The following MRPS9 variants were observed in gnomAD, a reference collection of about 807,000 sequenced individuals.
MRPS9 encodes small ribosomal subunit protein uS9m.
MRPS9 carries 45 observed loss-of-function variants against 59.9 expected under a neutral mutation model. The observed-to-expected ratio is 0.75, with a 90% CI of 0.59 to 0.96. The LOEUF is 0.96. Among genes scored for constraint, MRPS9 ranks in the 40% least tolerant of loss-of-function variants. The pLI, the probability that MRPS9 is intolerant of heterozygous loss-of-function variation, is 0.00. For synonymous variants in MRPS9, 171 were observed against 166.8 expected (o/e 1.03, Z -0.19); for missense variants, 473 against 481.1 (o/e 0.98, Z 0.16).
chr2:105,088,529 ATAAG>A (rs1680493729), intron 5 of MRPS9, among the ~76,000 whole-genome samples: 1 of 152,146 alleles, frequency 6.6e-6, no homozygotes, highest in Non-Finnish European at 1.5e-5. Context: ...TAAATATTAA[ATAAG>A]TAGTAAGTCG....
chr2:105,061,259 T>A (rs931544819), intron 2 of MRPS9, among the ~76,000 whole-genome samples: 2 of 152,100 alleles, frequency 1.3e-5, no homozygotes, highest in Admixed American at 1.3e-4. Flanking sequence ...TGTGTGGCAC[T>A]GAGCTGGTTT....
chr2:105,046,947 G>A (rs1330632573), intron 1 of MRPS9, among the ~76,000 whole-genome samples: 3 of 151,910 alleles, frequency 2.0e-5, no homozygotes, highest in Admixed American at 1.3e-4. Context: ...AATATGTGAA[G>A]CAACATTCTC....
intron 8 of MRPS9, 128 bp downstream of exon 8, chr2:105,092,697 G>T: frequency 3.4e-6 from 3 of 876,182 alleles, no homozygotes; most frequent in Non-Finnish European, 4.9e-6. Flanking sequence ...CGTTACTTTG[G>T]ATTTCCTAAT....
intron 9 of MRPS9, chr2:105,096,905 T>C (rs745988719): frequency 2.5e-5 from 7 of 275,082 alleles, no homozygotes; most frequent in Non-Finnish European, 4.7e-5. Flanking sequence ...ATAAAGGGGA[T>C]CAGCAAACAG....
chr2:105,084,832 T>C (rs1409438535), intron 5 of MRPS9, among the ~76,000 whole-genome samples: 1 of 152,180 alleles, frequency 6.6e-6, no homozygotes, highest in Non-Finnish European at 1.5e-5. Context: ...TCCTCCCATA[T>C]GAATAATTAC....
At chr2:105,068,144 C>T (rs988114093) in intron 2 of MRPS9, among the ~76,000 whole-genome samples, 1 of 152,150 alleles carries the variant, frequency 6.6e-6, no homozygotes, top group South Asian at 2.1e-4. Flanking sequence ...ATGTAGAAAC[C>T]AGTTGACCCT....
chr2:105,050,815 C>T, intron 2 of MRPS9, among the ~76,000 whole-genome samples: 1 of 152,036 alleles, frequency 6.6e-6, no homozygotes, highest in East Asian at 1.9e-4. Context: ...GTTTGCCTAC[C>T]CCGGACTTTC....
At chr2:105,081,158 T>C (rs1680331645) in intron 5 of MRPS9, among the ~76,000 whole-genome samples, 1 of 152,214 alleles carries the variant, frequency 6.6e-6, no homozygotes, top group African/African-American at 2.4e-5. Context: ...GTAATATTTG[T>C]GAAGGTTCCA....
intron 8 of MRPS9, 118 bp downstream of exon 8, chr2:105,092,687 C>T (rs77811260): frequency 0.21 from 189,232 of 920,598 alleles, 21,025 homozygotes; most frequent in Middle Eastern, 0.29. Flanking sequence ...TTTTTGCTAC[C>T]GTTACTTTGG....
At chr2:105,079,926 A>G (rs113460495) in intron 4 of MRPS9, 57 bp from the exon 5 acceptor site, 35 of 1,227,464 alleles carry the variant, frequency 2.9e-5, no homozygotes, top group Admixed American at 7.8e-5. Flanking sequence ...AAATGCAGCT[A>G]TTTGGTCTGT....
At chr2:105,053,934 AC>A (rs1177376690) in intron 2 of MRPS9, among the ~76,000 whole-genome samples, 2 of 152,198 alleles carry the variant, frequency 1.3e-5, no homozygotes. Context: ...AAATATATAG[AC>A]TCTTCTAAAA....
intron 2 of MRPS9, among the ~76,000 whole-genome samples, chr2:105,068,341 A>G: frequency 6.6e-6 from 1 of 152,156 alleles, no homozygotes; most frequent in East Asian, 1.9e-4. Flanking sequence ...AAATTAATAT[A>G]TTTACTTATT....
intron 4 of MRPS9, among the ~76,000 whole-genome samples, chr2:105,077,237 T>C (rs1357148307): frequency 2.1e-5 from 2 of 94,870 alleles, no homozygotes; most frequent in African/African-American, 3.7e-5. Flanking sequence ...AGAGGGAGAC[T>C]CCATCTCAAA....
chr2:105,038,258 C>T (rs3739160), intron 1 of MRPS9, 31 bp downstream of exon 1: 739,636 of 1,594,610 alleles, frequency 0.46, 173,639 homozygotes, highest in East Asian at 0.7. Context: ...AAGCGGCTTA[C>T]CTCTGCCGCG....
At chr2:105,087,550 G>A (rs565686455) in intron 5 of MRPS9, among the ~76,000 whole-genome samples, 1 of 152,236 alleles carries the variant, frequency 6.6e-6, no homozygotes, top group South Asian at 2.1e-4. Context: ...GTAGCTTCTA[G>A]TGCTGTTTCT....
intron 2 of MRPS9, among the ~76,000 whole-genome samples, chr2:105,067,179 A>C (rs1035971154): frequency 1.3e-5 from 2 of 152,196 alleles, no homozygotes; most frequent in African/African-American, 4.8e-5. Context: ...ATCACATCTG[A>C]TACAATTATA....
rs200448846 is a variant in MRPS9, at chr2:105,038,213, A to G, written c.121A>G (p.Asn41Asp). 2 of 1,612,192 alleles carry G rather than the reference A, an allele frequency of 1.2e-6. No homozygotes were observed. Among genetic ancestry groups the G allele is most frequent in the Admixed American group, 3.3e-5 (2 of 59,748 alleles). Residue 41 changes from asparagine to aspartate, a missense_variant, in exon 1 of 11, where the codon AAT (asparagine) becomes GAT (aspartate). Asn to Asp is a conservative substitution (Grantham distance 23, BLOSUM62 1). Transcript: ENST00000258455. ...AACCGCGGCCCCTGAGTTGCAAACA[A>G]ATGTCAGATCCCAGGTAAGGCCTGG... ...WKTAAPELQT[N>D]VRSQILRLRH... is the part of the protein sequence containing the mutation.
At chr2:105,047,577 T>G (rs1304177133) in intron 1 of MRPS9, among the ~76,000 whole-genome samples, 1 of 151,826 alleles carries the variant, frequency 6.6e-6, no homozygotes, top group African/African-American at 2.4e-5. Context: ...TTCCTAAGAT[T>G]GTGGTTTTAA....
chr2:105,084,176 A>G (rs925407021), intron 5 of MRPS9, among the ~76,000 whole-genome samples: 13 of 151,438 alleles, frequency 8.6e-5, no homozygotes. Flanking sequence ...TTTACAGTAA[A>G]CAATTGAGTA....
Sources: gnomAD v4.1 joint callset for allele counts (sites outside exome capture counted in the v4.1 genomes callset) on GRCh38, gnomAD v4.1.1 for gene constraint, MANE v1.5 for transcripts, NCBI Gene and HGNC (gene_info 2026-07-23, HGNC 2026-07-21) for gene names.